TYW1B: variants seen among roughly 807,000 people sequenced by gnomAD.
The protein encoded by TYW1B is S-adenosyl-L-methionine-dependent tRNA 4-demethylwyosine synthase TYW1B.
A neutral mutation model predicts 86.9 loss-of-function variants in TYW1B; 73 were observed. The ratio of observed to expected loss-of-function variants is 0.84; its 90% CI spans 0.70 to 1.02. The LOEUF is 1.02. Ranked by LOEUF, TYW1B falls within the 50% of genes least tolerant of loss-of-function variation. The pLI is 0.00. For synonymous variants in TYW1B, 248 were observed against 292.8 expected (o/e 0.85, Z 1.56); for missense variants, 637 against 827.4 (o/e 0.77, Z 2.82).
At chr7:72,741,212 T>G (rs1423290075) in intron 8 of TYW1B, among the ~76,000 whole-genome samples, 6 of 152,082 alleles carry the variant, frequency 3.9e-5, no homozygotes, top group South Asian at 2.1e-4. Context: ...GGAAACCATG[T>G]ACAAAGAGAT....
chr7:72,807,736 A>T (rs1788524818), intron 4 of TYW1B, among the ~76,000 whole-genome samples: 1 of 152,212 alleles, frequency 6.6e-6, no homozygotes, highest in Non-Finnish European at 1.5e-5. Context: ...GCCTAAGCCT[A>T]TTCCGTTATA....
chr7:72,663,028 G>T (rs782190394), intron 11 of TYW1B, among the ~76,000 whole-genome samples: 2 of 152,046 alleles, frequency 1.3e-5, no homozygotes, highest in Non-Finnish European at 2.9e-5. Context: ...CTCATAAAAA[G>T]GTTCAACTCT....
chr7:72,693,704 C>T (rs1453374462), intron 11 of TYW1B, among the ~76,000 whole-genome samples: 1 of 152,002 alleles, frequency 6.6e-6, no homozygotes, highest in Non-Finnish European at 1.5e-5. Flanking sequence ...CTGCAGACGC[C>T]TCTTTTAAGG....
At chr7:72,698,988 C>T (rs1379958315) in intron 10 of TYW1B, among the ~76,000 whole-genome samples, 3 of 152,148 alleles carry the variant, frequency 2.0e-5, no homozygotes, top group Admixed American at 6.6e-5. Context: ...ACGAACTGGA[C>T]ACTGAGGCCA....
chr7:72,574,716 C>G lies in TYW1B; in HGVS notation c.*782G>C. 1.0e-6 allele frequency: 1 copy of G among 985,334 alleles called. No individual in the cohort carries two copies. The highest frequency in any genetic ancestry group is 1.2e-6 in the Non-Finnish European group (1 of 829,946). 61.0% of individuals were successfully genotyped at this position (985,334 alleles called of 1,614,324 possible). ...GCCGTCTGGTCGTGATATGAGAGGC[C>G]CGGACAGTGACCTCACGAACAAAAA... On this transcript the variant is annotated 3_prime_UTR_variant, in exon 14 of 14. Transcript: ENST00000620995.
At chr7:72,771,388 A>C (rs1554469576) in intron 7 of TYW1B, among the ~76,000 whole-genome samples, 1 of 152,210 alleles carries the variant, frequency 6.6e-6, no homozygotes, top group Non-Finnish European at 1.5e-5. Context: ...GGGGATAATA[A>C]CTTATATCTT....
chr7:72,704,341 C>T (rs1196212731), intron 10 of TYW1B, among the ~76,000 whole-genome samples: 6 of 148,226 alleles, frequency 4.0e-5, no homozygotes, highest in South Asian at 2.1e-4. Flanking sequence ...GGCTGAGGCA[C>T]GAGAATTGCT....
chr7:72,805,174 T>C (rs1788471973), intron 5 of TYW1B, among the ~76,000 whole-genome samples: 1 of 149,216 alleles, frequency 6.7e-6, no homozygotes, highest in South Asian at 2.2e-4. Context: ...AAAGGGGCAA[T>C]GCTTTAATGA....
chr7:72,809,508 C>CA, intron 4 of TYW1B, among the ~76,000 whole-genome samples: 1 of 151,892 alleles, frequency 6.6e-6, no homozygotes, highest in South Asian at 2.1e-4. Context: ...GAAAGATTAG[C>CA]CAGGGGTAGT....
intron 13 of TYW1B, among the ~76,000 whole-genome samples, chr7:72,606,648 AG>A (rs1309561016): frequency 2.6e-5 from 4 of 151,924 alleles, no homozygotes; most frequent in African/African-American, 4.8e-5. Flanking sequence ...GTGGAGTCTA[AG>A]GGGGGAACAG....
chr7:72,663,456 CA>C (rs2129569496), intron 11 of TYW1B, among the ~76,000 whole-genome samples: 1 of 152,116 alleles, frequency 6.6e-6, no homozygotes, highest in Non-Finnish European at 1.5e-5. Context: ...TGACCTAAAA[CA>C]AATAAAAATC....
intron 3 of TYW1B, among the ~76,000 whole-genome samples, chr7:72,812,847 C>A (rs1344436063): frequency 6.6e-6 from 1 of 151,858 alleles, no homozygotes; most frequent in Non-Finnish European, 1.5e-5. Flanking sequence ...AGGCGTGCAC[C>A]ACCATGGCTA....
intron 11 of TYW1B, among the ~76,000 whole-genome samples, chr7:72,663,468 A>C (rs1813383181): frequency 6.6e-6 from 1 of 152,034 alleles, no homozygotes; most frequent in South Asian, 2.1e-4. Flanking sequence ...AATAAAAATC[A>C]CTTTCAAAAG....
chr7:72,760,868 C>T (rs782120181), intron 7 of TYW1B, among the ~76,000 whole-genome samples: 10 of 152,066 alleles, frequency 6.6e-5, no homozygotes, highest in Non-Finnish European at 1.3e-4. Context: ...GAATGATCTT[C>T]GTTTGTGTAA....
chr7:72,791,764 A>G (rs1433379026), intron 6 of TYW1B, among the ~76,000 whole-genome samples: 2 of 152,202 alleles, frequency 1.3e-5, no homozygotes, highest in Admixed American at 1.3e-4. Context: ...CAACAGAGAA[A>G]GACTCCGTCT....
chr7:72,584,480 TGGAGTCTCACTCTTGCCCAGGCTAGAGTG>T (rs1811228797), intron 13 of TYW1B, among the ~76,000 whole-genome samples: 1 of 151,314 alleles, frequency 6.6e-6, no homozygotes, highest in African/African-American at 2.4e-5. Context: ...TTTTTTGAGA[TGGAGTCTCACTCTTGCCCAGGCTAGAGTG>T]CAGTGGCACA....
At chr7:72,694,083 CCCAAACAGCTGGGATAACAGGTG>C (rs1814245918) in intron 11 of TYW1B, among the ~76,000 whole-genome samples, 1 of 152,146 alleles carries the variant, frequency 6.6e-6, no homozygotes, top group African/African-American at 2.4e-5. Flanking sequence ...GCCTCAGCCT[CCCAAACAGCTGGGATAACAGGTG>C]CATGCCATCA....
Position 72,802,283 on chromosome 7 carries a change from A to C in TYW1B, c.846+117T>G, listed in dbSNP as rs1230349084. On this transcript the variant is annotated intron_variant, in intron 6 of 13. Coordinates refer to ENST00000620995, the MANE Select transcript of TYW1B (RefSeq NM_001145440.3). ...AAAAAAATTATAAAACTCTCAAGAC[A>C]GAAGCTAGAGAAATGAAACTCCTCT... is the stretch of plus-strand genomic sequence containing the variant. 2.0e-6 allele frequency: 3 copies of C among 1,500,422 alleles called. No homozygotes were observed. In the African/African-American group the frequency reaches 4.2e-5, roughly 21 times the overall value. 92.9% of individuals were successfully genotyped at this position (1,500,422 alleles called of 1,614,324 possible).
intron 6 of TYW1B, among the ~76,000 whole-genome samples, chr7:72,784,801 T>C (rs71554643): frequency 0.056 from 8,547 of 152,156 alleles, 559 homozygotes; most frequent in East Asian, 0.33. Context: ...CCCGGCCTCC[T>C]AATATTTTAA....
Sources: gnomAD v4.1 joint callset for allele counts (sites outside exome capture counted in the v4.1 genomes callset) on GRCh38, gnomAD v4.1.1 for gene constraint, MANE v1.5 for transcripts, NCBI Gene and HGNC (gene_info 2026-07-23, HGNC 2026-07-21) for gene names.